PTDSS1: variants seen among roughly 807,000 people sequenced by gnomAD.
The protein encoded by PTDSS1 is phosphatidylserine synthase 1.
A neutral mutation model predicts 70.5 loss-of-function variants in PTDSS1; 45 were observed. The ratio of observed to expected loss-of-function variants is 0.64; its 90% CI spans 0.50 to 0.82. The LOEUF (loss-of-function observed/expected upper bound fraction) is 0.82. Ranked by LOEUF, PTDSS1 falls within the 40% of genes least tolerant of loss-of-function variation. The pLI is 0.00. For synonymous variants in PTDSS1, 188 were observed against 203.8 expected, an observed-to-expected ratio of 0.92 and a Z score of 0.66; for missense variants, 417 against 586.1, an observed-to-expected ratio of 0.71 and a Z score of 2.98.
chr8:96,330,967 CT>C, intron 11 of PTDSS1, 58 bp from the exon 12 acceptor site: 1 of 1,481,074 alleles, frequency 6.8e-7, no homozygotes, highest in Non-Finnish European at 9.4e-7. Context: ...CCTTTTTGCC[CT>C]GCCACTTCTC....
intron 9 of PTDSS1, among the ~76,000 whole-genome samples, chr8:96,316,810 T>C (rs1211072218): frequency 6.6e-6 from 1 of 151,942 alleles, no homozygotes; most frequent in African/African-American, 2.4e-5. Flanking sequence ...CTGGCCAACA[T>C]GGTGAAACTC....
At position 96,300,409 on chromosome 8, in the gene PTDSS1, T is replaced by G. The variant is rs906518323; in HGVS notation, c.752+564T>G. ...ACCTGAGATTTGGCCTGTGTACCCA[T>G]AGGCCAGCCTGATCATCCTTTTCTT... is the stretch of plus-strand genomic sequence containing the variant. On this transcript the variant is annotated intron_variant, in intron 6 of 12. Coordinates refer to ENST00000517309, the MANE Select transcript of PTDSS1 (RefSeq NM_014754.3). 3.3e-4 allele frequency among the ~76,000 whole-genome samples: 50 copies of G among 152,208 alleles called. 1 individual carries two copies. The highest frequency in any genetic ancestry group is 1.2e-4 in the Non-Finnish European group (8 of 68,036).
chr8:96,304,790 C>G (rs1005291619), intron 7 of PTDSS1, among the ~76,000 whole-genome samples: 42 of 152,216 alleles, frequency 2.8e-4, no homozygotes, highest in African/African-American at 9.2e-4. Context: ...TTCTGATGCT[C>G]CTGGCCCCAG....
chr8:96,274,209 A>G (rs186717681), intron 2 of PTDSS1, among the ~76,000 whole-genome samples: 3 of 150,738 alleles, frequency 2.0e-5, no homozygotes, highest in African/African-American at 7.3e-5. Context: ...GTTATTCTCC[A>G]TGGGCCGGAC....
intron 1 of PTDSS1, among the ~76,000 whole-genome samples, chr8:96,271,147 G>C (rs570875333): frequency 6.6e-6 from 1 of 152,190 alleles, no homozygotes; most frequent in Admixed American, 6.5e-5. Context: ...CTTCTCCCCA[G>C]CCCCTCATTT....
At chr8:96,287,259 C>T (rs1018195125) in intron 4 of PTDSS1, 113 bp downstream of exon 4, 6 of 1,405,340 alleles carry the variant, frequency 4.3e-6, no homozygotes, top group Non-Finnish European at 5.8e-6. Context: ...TGTGTAGTTA[C>T]CTAAAAACCA....
intron 5 of PTDSS1, among the ~76,000 whole-genome samples, chr8:96,299,104 T>G (rs1811016043): frequency 1.3e-5 from 2 of 152,264 alleles, no homozygotes; most frequent in African/African-American, 4.8e-5. Flanking sequence ...TTGACTTCCT[T>G]TTCTCTCACC....
At chr8:96,265,377 A>C (rs1464583633) in intron 1 of PTDSS1, among the ~76,000 whole-genome samples, 1 of 152,212 alleles carries the variant, frequency 6.6e-6, no homozygotes, top group Non-Finnish European at 1.5e-5. Context: ...GATACCTTGC[A>C]CTGAAGTCTG....
chr8:96,278,788 C>T (rs1810686735), intron 2 of PTDSS1, among the ~76,000 whole-genome samples: 1 of 152,138 alleles, frequency 6.6e-6, no homozygotes, highest in Admixed American at 6.5e-5. Flanking sequence ...TGTTCATCCC[C>T]TTTCCACCTT....
At chr8:96,290,593 G>GCCT (rs1810889598) in intron 4 of PTDSS1, among the ~76,000 whole-genome samples, 1 of 152,142 alleles carries the variant, frequency 6.6e-6, no homozygotes, top group Admixed American at 6.5e-5. Context: ...TGCTAAAACA[G>GCCT]CCTCATCTTC....
intron 12 of PTDSS1, among the ~76,000 whole-genome samples, chr8:96,331,518 G>A (rs930923694): frequency 1.3e-5 from 2 of 151,422 alleles, no homozygotes; most frequent in Admixed American, 1.3e-4. Flanking sequence ...AGCAGAGTAA[G>A]ACTCTGTCTC....
At chr8:96,281,632 C>T (rs1810738313) in intron 2 of PTDSS1, among the ~76,000 whole-genome samples, 1 of 152,134 alleles carries the variant, frequency 6.6e-6, no homozygotes. Flanking sequence ...CTAAACACTC[C>T]TAGCTTGTTT....
chr8:96,288,480 A>G (rs1810854640), intron 4 of PTDSS1, among the ~76,000 whole-genome samples: 1 of 151,888 alleles, frequency 6.6e-6, no homozygotes, highest in Admixed American at 6.6e-5. Flanking sequence ...GCCTGCCACT[A>G]CACCCGGCTA....
intron 2 of PTDSS1, among the ~76,000 whole-genome samples, chr8:96,277,839 CCA>C (rs552405362): frequency 2.2e-3 from 335 of 152,288 alleles, no homozygotes; most frequent in African/African-American, 7.7e-3. Context: ...TTGACTTTCT[CCA>C]TAGGATTTTA....
At chr8:96,272,665 G>A (rs1810583269) in intron 1 of PTDSS1, among the ~76,000 whole-genome samples, 1 of 152,170 alleles carries the variant, frequency 6.6e-6, no homozygotes, top group Admixed American at 6.5e-5. Flanking sequence ...ACCTCATTTT[G>A]TAAAATGTGG....
intron 4 of PTDSS1, 130 bp from the exon 5 acceptor site, chr8:96,294,968 T>A: frequency 1.2e-6 from 1 of 831,954 alleles, no homozygotes; most frequent in Non-Finnish European, 1.7e-6. Context: ...ATTAAAACTT[T>A]CTCATTTGTT....
At chr8:96,306,982 C>T (rs543232359) in intron 8 of PTDSS1, among the ~76,000 whole-genome samples, 41 of 152,120 alleles carry the variant, frequency 2.7e-4, no homozygotes, top group African/African-American at 9.6e-4. Context: ...CTTTTTCAGA[C>T]CCAATTAATT....
chr8:96,319,259 G>A (rs1026355555), intron 9 of PTDSS1, among the ~76,000 whole-genome samples: 1 of 152,036 alleles, frequency 6.6e-6, no homozygotes, highest in Non-Finnish European at 1.5e-5. Flanking sequence ...CACCATTCAT[G>A]GAGTGTACAG....
chr8:96,294,303 T>C (rs1287579796), intron 4 of PTDSS1, among the ~76,000 whole-genome samples: 1 of 152,178 alleles, frequency 6.6e-6, no homozygotes, highest in African/African-American at 2.4e-5. Context: ...GGGTGAATAT[T>C]TGCCAACTCT....
Sources: gnomAD v4.1 joint callset for allele counts (sites outside exome capture counted in the v4.1 genomes callset) on GRCh38, gnomAD v4.1.1 for gene constraint, MANE v1.5 for transcripts, NCBI Gene and HGNC (gene_info 2026-07-23, HGNC 2026-07-21) for gene names.